The following PRRC2B variants were observed in gnomAD, a reference collection of about 807,000 sequenced individuals.
PRRC2B encodes the protein proline rich coiled-coil 2B.
PRRC2B carries 68 observed loss-of-function variants against 242.3 expected under a neutral mutation model. The observed-to-expected ratio is 0.28, with a 90% CI of 0.23 to 0.34. The LOEUF is 0.34. Among genes scored for constraint, PRRC2B ranks in the 10% least tolerant of loss-of-function variants. The pLI is 1.00. For synonymous variants in PRRC2B, 1,228 were observed against 1,173.6 expected, an observed-to-expected ratio of 1.05 and a Z score of -0.95; for missense variants, 2,835 against 2,954.8, an observed-to-expected ratio of 0.96 and a Z score of 0.94.
In PRRC2B at chr9:131,496,623, G is replaced by C. The variant is rs1588287442; in HGVS notation, c.*749G>C. 1 of 147,332 alleles carries C rather than the reference G, an allele frequency of 6.8e-6. No homozygotes were observed. Among genetic ancestry groups the C allele is most frequent in the Non-Finnish European group, 1.5e-5 (1 of 65,984 alleles). The allele number at this position is 147,332 out of a possible 1,614,324, so 9.1% of individuals were successfully genotyped here. On this transcript the variant is annotated 3_prime_UTR_variant, in exon 32 of 32. Coordinates refer to ENST00000683519, the MANE Select transcript of PRRC2B (RefSeq NM_013318.4). ...GGTGCTCAGAGCAGCAGGCAGGTTG[G>C]GGGAGGGGGGGGGTCATAGTTGGGT...
rs1324803283 is a variant in PRRC2B, at chr9:131,487,338, G to A, written c.5984+44G>A. ...TTGCGGAGCTGGCAGCTCACAGCCAGGGCCTTGGCCCTGTGTGCAGCCTTC... is the reference window on the plus strand; with the variant it reads ...TTGCGGAGCTGGCAGCTCACAGCCAAGGCCTTGGCCCTGTGTGCAGCCTTC... On this transcript the variant is annotated intron_variant, in intron 27 of 31. Coordinates refer to ENST00000683519, the MANE Select transcript of PRRC2B (RefSeq NM_013318.4). This position sits in a 1 kb window ranked among gnomAD's most constrained non-coding sequence, Gnocchi z 5.3. 2 of 1,541,186 alleles carry A rather than the reference G, an allele frequency of 1.3e-6. No homozygotes were observed. Among genetic ancestry groups the A allele is most frequent in the Non-Finnish European group, 1.8e-6 (2 of 1,139,918 alleles).
chr9:131,490,763 C>T (rs1944168882), intron 28 of PRRC2B: 1 of 369,924 alleles, frequency 2.7e-6, no homozygotes, highest in Non-Finnish European at 5.4e-6. Flanking sequence ...CCACTTGATG[C>T]AAAACAGTAA....
intron 1 of PRRC2B, among the ~76,000 whole-genome samples, chr9:131,425,499 TG>T (rs1837953516): frequency 1.3e-5 from 2 of 151,950 alleles, no homozygotes; most frequent in Non-Finnish European, 2.9e-5. Flanking sequence ...TTGTTGTTGT[TG>T]TTTTTTGAGA....
At chr9:131,441,352 A>C (rs1838565753) in intron 5 of PRRC2B, among the ~76,000 whole-genome samples, 1 of 152,096 alleles carries the variant, frequency 6.6e-6, no homozygotes, top group African/African-American at 2.4e-5. Context: ...GTTACCTATA[A>C]AAAATGTAGG....
intron 1 of PRRC2B, among the ~76,000 whole-genome samples, chr9:131,384,065 G>A (rs554091227): frequency 3.0e-4 from 44 of 145,520 alleles, no homozygotes; most frequent in Non-Finnish European, 5.5e-4. Context: ...CCACAGGCAC[G>A]TACCACCATA....
At chr9:131,473,460 C>A in intron 14 of PRRC2B, 48 bp from the exon 15 acceptor site, 1 of 1,429,178 alleles carries the variant, frequency 7.0e-7, no homozygotes, top group Non-Finnish European at 9.6e-7. Context: ...GAGATTGGAG[C>A]AGGGCTTTCT....
Position 131,470,882 on chromosome 9 carries a change from G to A in PRRC2B, c.2006G>A (p.Gly669Asp). Residue 669 changes from glycine (G) to aspartate (D), a missense_variant, in exon 14 of 32, where the codon GGC becomes GAC. By Grantham distance (94) the Gly-to-Asp change is moderately conservative. Coordinates refer to ENST00000683519, the MANE Select transcript of PRRC2B (RefSeq NM_013318.4). ...TFYPHHPQML[G>D]FDPRWMMMPS... ...TACCCACACCACCCCCAGATGTTGG[G>A]CTTCGATCCCAGGTGGATGATGATG... 1 of 1,610,150 alleles carries A rather than the reference G, an allele frequency of 6.2e-7. No individual in the cohort carries two copies. The highest frequency in any genetic ancestry group is 8.5e-7 in the Non-Finnish European group (1 of 1,177,778).
At position 131,455,063 on chromosome 9, in the gene PRRC2B, C is replaced by T. The variant is rs576922325; in HGVS notation, c.1121-13C>T. The T allele has an allele frequency of 1.9e-6, 3 of 1,604,022 alleles. No individual in the cohort carries two copies. Among genetic ancestry groups the T allele is most frequent in the Admixed American group, 3.4e-5 (2 of 59,666 alleles). On this transcript the variant is annotated splice_polypyrimidine_tract_variant and intron_variant, in intron 9 of 31. Coordinates refer to ENST00000683519, the MANE Select transcript of PRRC2B (RefSeq NM_013318.4). The stretch of plus-strand genomic sequence containing the variant: ...TTCTTTCTCATTCTTCCTGGGCCCT[C>T]CTGCTGTTGTAGGCCTCCATGAAGA...
rs757812330 is a variant in PRRC2B, at chr9:131,474,509, C to T, written c.2380C>T (p.Arg794Cys). Residue 794 changes from arginine to cysteine, a missense_variant, in exon 16 of 32, where the codon CGC becomes TGC. Physicochemically the swap from Arg to Cys is radical, Grantham distance 180. Around this residue, in one of 7 missense-constraint regions of PRRC2B, gnomAD observed 1,536 missense variants for 1,483.1 expected, o/e 1.04. Transcript: ENST00000683519. ...AAGGGCAGGGGGCGTAAGTGCTCAG[C>T]GCGATCTCTTTGAGGAGAGAGGGGA... is the stretch of plus-strand genomic sequence containing the variant. ...LGRAGGVSAQRDLFEERGEEY... is the reference protein window; with the variant it reads ...LGRAGGVSAQCDLFEERGEEY... 3.1e-6 allele frequency: 5 copies of T among 1,613,972 alleles called. No individual in the cohort carries two copies. Among genetic ancestry groups the T allele is most frequent in the Non-Finnish European group, 4.2e-6 (5 of 1,179,892 alleles).
chr9:131,398,264 G>C (rs1196441499), intron 1 of PRRC2B, among the ~76,000 whole-genome samples: 2 of 152,220 alleles, frequency 1.3e-5, no homozygotes, highest in African/African-American at 4.8e-5. Context: ...TGGGAGGTAG[G>C]TTTGTCTTAG....
intron 1 of PRRC2B, among the ~76,000 whole-genome samples, chr9:131,382,620 T>A (rs911658129): frequency 1.3e-5 from 2 of 151,862 alleles, no homozygotes; most frequent in African/African-American, 4.8e-5. Context: ...AGTGTTGTAT[T>A]TTTAGCTCCA....
At chr9:131,458,802 C>A (rs543199070) in intron 10 of PRRC2B, among the ~76,000 whole-genome samples, 1 of 152,280 alleles carries the variant, frequency 6.6e-6, no homozygotes, top group African/African-American at 2.4e-5. Flanking sequence ...TACGCCCAGG[C>A]CCTCTTATAA....
At position 131,484,675 on chromosome 9, in the gene PRRC2B, C is replaced by G. The variant is rs1943965330; in HGVS notation, c.5461-11C>G. The G allele has an allele frequency of 6.3e-7, 1 of 1,587,524 alleles. No homozygotes were observed. The highest frequency in any genetic ancestry group is 8.6e-7 in the Non-Finnish European group (1 of 1,166,708). ...GTTTGTGTTCCATGGTTTCCTTTTCCTCCTCTCCAGGCAGGGTTAACACAG... is the reference window on the plus strand; with the variant it reads ...GTTTGTGTTCCATGGTTTCCTTTTCGTCCTCTCCAGGCAGGGTTAACACAG... On this transcript the variant is annotated splice_polypyrimidine_tract_variant and intron_variant, in intron 23 of 31. Transcript: ENST00000683519.
chr9:131,484,830 C>A (rs1943973099), intron 24 of PRRC2B, 40 bp downstream of exon 24: 1 of 1,573,332 alleles, frequency 6.4e-7, no homozygotes, highest in African/African-American at 1.4e-5. Flanking sequence ...CCACCCAGTA[C>A]CTTAGCTTAC....
intron 1 of PRRC2B, among the ~76,000 whole-genome samples, chr9:131,420,670 A>T (rs779427086): frequency 6.6e-6 from 1 of 150,436 alleles, no homozygotes; most frequent in Non-Finnish European, 1.5e-5. Context: ...TTGTATTTTC[A>T]GTAGAGTCAG....
chr9:131,447,027 T>A (rs1838824436), intron 7 of PRRC2B, 58 bp from the exon 8 acceptor site: 1 of 1,608,006 alleles, frequency 6.2e-7, no homozygotes, highest in Non-Finnish European at 8.5e-7. Context: ...CTGATTTAAG[T>A]GGAAATTGCA....
chr9:131,454,202 C>T lies in PRRC2B; in HGVS notation c.1121-874C>T, dbSNP rs113049488. Among the ~76,000 whole-genome samples the T allele has an allele frequency of 8.9e-3, 1,349 of 152,276 alleles. 17 individuals carry two copies. Among genetic ancestry groups the T allele is most frequent in the African/African-American group, 0.029 (1,209 of 41,546 alleles). The stretch of plus-strand genomic sequence containing the variant: ...TTATGTTATAGCATGTGTTTGTATT[C>T]ATTCTTTTTCATGACCAAATAATAT... On this transcript the variant is annotated intron_variant, in intron 9 of 31. Transcript: ENST00000683519.
chr9:131,423,693 G>T (rs1837907329), intron 1 of PRRC2B, among the ~76,000 whole-genome samples: 1 of 152,224 alleles, frequency 6.6e-6, no homozygotes. Context: ...GCCATAGATG[G>T]CCTCTTGCTT....
chr9:131,413,565 A>G (rs185654270), intron 1 of PRRC2B, among the ~76,000 whole-genome samples: 83 of 152,332 alleles, frequency 5.4e-4, no homozygotes, highest in African/African-American at 1.8e-3. Flanking sequence ...ACGTGCTCTC[A>G]CTGTGTTGCC....
Sources: allele counts gnomAD v4.1 joint callset (sites outside exome capture counted in the v4.1 genomes callset), GRCh38; gene constraint gnomAD v4.1.1; regional missense constraint gnomAD v4.1.1; non-coding constraint Gnocchi (gnomAD v3.1); transcripts MANE v1.5; gene names NCBI Gene and HGNC (gene_info 2026-07-23, HGNC 2026-07-21).